Variants in THSD4 observed in about 807,000 individuals in gnomAD.
THSD4 encodes thrombospondin type 1 domain containing 4.
Under a neutral mutation model 119.0 loss-of-function variants are expected in THSD4, and 69 were observed. That is an observed-to-expected ratio of 0.58 (90% CI 0.48 to 0.71). The LOEUF is 0.71. THSD4 is among the 30% of genes least tolerant of loss of function. The probability of loss-of-function intolerance (pLI) is 0.00; values close to 1 mark genes in which losing one functional copy is unlikely to be tolerated. For synonymous variants in THSD4, 524 were observed against 540.4 expected, an observed-to-expected ratio of 0.97 and a Z score of 0.42; for missense variants, 1,393 against 1,391.1, an observed-to-expected ratio of 1.00 and a Z score of -0.02.
At chr15:71,157,588 A>G (rs2040791287) in intron 3 of THSD4, among the ~76,000 whole-genome samples, 1 of 151,310 alleles carries the variant, frequency 6.6e-6, no homozygotes, top group African/African-American at 2.4e-5. Context: ...GTACCCATTG[A>G]CCAACCTCTG....
chr15:71,691,654 C>G (rs2052052054), intron 8 of THSD4, among the ~76,000 whole-genome samples: 1 of 152,260 alleles, frequency 6.6e-6, no homozygotes, highest in African/African-American at 2.4e-5. Flanking sequence ...GCAGTCAGCT[C>G]TCAACACATG....
chr15:71,687,469 A>G (rs1028277490), intron 8 of THSD4, among the ~76,000 whole-genome samples: 1 of 152,106 alleles, frequency 6.6e-6, no homozygotes, highest in Non-Finnish European at 1.5e-5. Context: ...AAAAGCCAGC[A>G]CCTTGGCCAG....
At chr15:71,478,154 A>G (rs1277295192) in intron 7 of THSD4, among the ~76,000 whole-genome samples, 1 of 152,138 alleles carries the variant, frequency 6.6e-6, no homozygotes, top group African/African-American at 2.4e-5. Context: ...AGATATTTTC[A>G]TCCTGAGCAA....
chr15:71,400,797 A>G (rs374445362), intron 6 of THSD4, among the ~76,000 whole-genome samples: 103 of 151,966 alleles, frequency 6.8e-4, no homozygotes, highest in African/African-American at 2.4e-3. Context: ...CTAGGCTGCA[A>G]TTCTTGAACA....
chr15:71,286,336 T>A (rs1038196128), intron 6 of THSD4, among the ~76,000 whole-genome samples: 17 of 152,146 alleles, frequency 1.1e-4, no homozygotes, highest in Non-Finnish European at 1.8e-4. Context: ...CATAGGCCCC[T>A]GTGTATGGTG....
At chr15:71,623,541 A>C (rs1483011251) in intron 7 of THSD4, among the ~76,000 whole-genome samples, 1 of 152,230 alleles carries the variant, frequency 6.6e-6, no homozygotes, top group Non-Finnish European at 1.5e-5. Flanking sequence ...AGAACTAGTC[A>C]ATATTTATTT....
At chr15:71,380,391 A>G (rs757531038) in intron 6 of THSD4, among the ~76,000 whole-genome samples, 1 of 152,110 alleles carries the variant, frequency 6.6e-6, no homozygotes, top group Non-Finnish European at 1.5e-5. Context: ...TCATGTCATC[A>G]GTTGAATAAT....
intron 3 of THSD4, among the ~76,000 whole-genome samples, chr15:71,191,009 A>G (rs535743453): frequency 6.6e-6 from 1 of 152,150 alleles, no homozygotes; most frequent in South Asian, 2.1e-4. Context: ...CTAAACAGCA[A>G]TTCTTCTCTT....
rs536520637 is a variant in THSD4 at position 71,382,881 on chromosome 15, C to T, written c.1016-28806C>T. Among the ~76,000 whole-genome samples, 3 of 152,270 alleles carry T rather than the reference C, an allele frequency of 2.0e-5. No homozygotes were observed. The East Asian group carries it at 5.8e-4, about 29-fold the overall frequency. On this transcript the variant is annotated intron_variant, in intron 6 of 17. Transcript: ENST00000261862. ...ATATATACTCTAAACCTATGTCCAG[C>T]AATTAATGTTCCAGTATTTTAACTT... is the stretch of plus-strand genomic sequence containing the variant.
intron 6 of THSD4, among the ~76,000 whole-genome samples, chr15:71,366,106 C>A (rs1238441338): frequency 6.6e-6 from 1 of 152,092 alleles, no homozygotes; most frequent in Non-Finnish European, 1.5e-5. Context: ...TGGAGTCTCA[C>A]TCTGTTGCCC....
intron 7 of THSD4, among the ~76,000 whole-genome samples, chr15:71,625,407 C>T (rs184307802): frequency 6.6e-6 from 1 of 152,246 alleles, no homozygotes; most frequent in Admixed American, 6.5e-5. Context: ...GAGACTAAAT[C>T]TCAAAGAAAG....
At chr15:71,623,919 C>G (rs8025936) in intron 7 of THSD4, among the ~76,000 whole-genome samples, 145,207 of 147,282 alleles carry the variant, frequency 0.99, 71,610 homozygotes, top group East Asian at 1. Context: ...GCAAAACTCC[C>G]TCTCAAGAAA....
intron 6 of THSD4, among the ~76,000 whole-genome samples, chr15:71,352,535 G>C (rs2045757215): frequency 6.6e-6 from 1 of 152,098 alleles, no homozygotes; most frequent in African/African-American, 2.4e-5. Flanking sequence ...TTAAAAACCA[G>C]GTAAATTTTA....
intron 6 of THSD4, among the ~76,000 whole-genome samples, chr15:71,395,734 C>G (rs1263023507): frequency 6.6e-6 from 1 of 151,904 alleles, no homozygotes; most frequent in Admixed American, 6.6e-5. Context: ...AGAACAAGCC[C>G]CTGTCCCCCG....
chr15:71,097,730 T>A (rs28445284), intron 1 of THSD4, among the ~76,000 whole-genome samples: 44,817 of 118,132 alleles, frequency 0.38, 6,984 homozygotes, highest in East Asian at 0.49. Context: ...ATATATATAT[T>A]TTTTTTTTTA....
At chr15:71,679,587 A>C (rs74893822) in intron 8 of THSD4, among the ~76,000 whole-genome samples, 1 of 152,340 alleles carries the variant, frequency 6.6e-6, no homozygotes, top group African/African-American at 2.4e-5. Flanking sequence ...GCACAAGCTA[A>C]GGTACAGAGA....
intron 7 of THSD4, among the ~76,000 whole-genome samples, chr15:71,511,924 T>C (rs1340236190): frequency 6.6e-6 from 1 of 152,242 alleles, no homozygotes; most frequent in Non-Finnish European, 1.5e-5. Context: ...AGGATCTTTA[T>C]TGGCAACCCT....
At chr15:71,210,317 A>G (rs1596270783) in intron 3 of THSD4, among the ~76,000 whole-genome samples, 2 of 152,340 alleles carry the variant, frequency 1.3e-5, no homozygotes, top group East Asian at 1.9e-4. Flanking sequence ...GATAATATAT[A>G]TAAAGTAATT....
intron 6 of THSD4, among the ~76,000 whole-genome samples, chr15:71,388,187 C>T (rs573241853): frequency 3.9e-5 from 6 of 152,316 alleles, no homozygotes; most frequent in Admixed American, 3.9e-4. Context: ...AATCAGTTTG[C>T]GTTTTTAACA....
Sources: gnomAD v4.1 joint callset for allele counts (sites outside exome capture counted in the v4.1 genomes callset) on GRCh38, gnomAD v4.1.1 for gene constraint, MANE v1.5 for transcripts, NCBI Gene and HGNC (gene_info 2026-07-23, HGNC 2026-07-21) for gene names.